The following ZNF385D variants were observed in gnomAD, a reference collection of about 807,000 sequenced individuals.
ZNF385D encodes zinc finger protein 659.
ZNF385D carries 15 observed loss-of-function variants against 35.8 expected under a neutral mutation model. That is an observed-to-expected ratio of 0.42 (90% CI 0.28 to 0.64). ZNF385D has a LOEUF of 0.64. Among genes scored for constraint, ZNF385D ranks in the 30% least tolerant of loss-of-function variants. The probability of loss-of-function intolerance (pLI) is 0.23; values close to 1 mark genes in which losing one functional copy is unlikely to be tolerated. For missense variants in ZNF385D, 474 were observed against 494.6 expected (o/e 0.96, Z 0.39); for synonymous variants, 212 against 186.8 (o/e 1.13, Z -1.10).
intron 3 of ZNF385D, among the ~76,000 whole-genome samples, chr3:21,904,494 G>A: frequency 6.6e-6 from 1 of 152,036 alleles, no homozygotes; most frequent in Admixed American, 6.6e-5. Flanking sequence ...CATACATACT[G>A]AGATACAAAA....
At chr3:21,547,090 A>G (rs572216467) in intron 3 of ZNF385D, among the ~76,000 whole-genome samples, 2 of 152,110 alleles carry the variant, frequency 1.3e-5, no homozygotes, top group South Asian at 4.1e-4. Context: ...TCCTTTGAAA[A>G]ATGCCTTTTT....
At chr3:22,303,503 G>T (rs1036348459) in intron 2 of ZNF385D, among the ~76,000 whole-genome samples, 2 of 152,048 alleles carry the variant, frequency 1.3e-5, no homozygotes, top group African/African-American at 4.8e-5. Flanking sequence ...AGTTTATGAG[G>T]ATTTTACTTT....
chr3:21,446,852 A>G (rs1004134223), intron 4 of ZNF385D, among the ~76,000 whole-genome samples: 26 of 152,144 alleles, frequency 1.7e-4, no homozygotes, highest in African/African-American at 4.8e-4. Flanking sequence ...GGATAGAGAC[A>G]CATTCTGATC....
Position 22,030,475 on chromosome 3 carries a change from GAGACACAGAGA to G in ZNF385D, c.325+138331_325+138341del, listed in dbSNP as rs1407647888. On this transcript the variant is annotated intron_variant, in intron 3 of 5. Transcript: ENST00000494108. ...GGAGAGAGAGAGGGAGGGAGAGAGAGAGACACAGAGAGAGAAAGAGAGTGAGAGAGTGCACA... is the reference window on the plus strand; with the variant it reads ...GGAGAGAGAGAGGGAGGGAGAGAGAGGAGAAAGAGAGTGAGAGAGTGCACA... Among the ~76,000 whole-genome samples the G allele has an allele frequency of 1.4e-4, 21 of 150,538 alleles. No homozygotes were observed. In the East Asian group the frequency reaches 3.2e-3, roughly 23 times the overall value.
At chr3:21,619,331 G>T (rs1478378766) in intron 2 of ZNF385D, among the ~76,000 whole-genome samples, 1 of 151,956 alleles carries the variant, frequency 6.6e-6, no homozygotes, top group Non-Finnish European at 1.5e-5. Flanking sequence ...TTGTGTGTGG[G>T]TACAATGCAC....
chr3:21,413,407 T>C lies in ZNF385D; in HGVS notation c.*7807A>G, dbSNP rs969474368. ...TGGCATCACTGTGGCTGACCAATGA[T>C]TCGGAATCTCACATTGGTGTGACTA... is the stretch of plus-strand genomic sequence containing the variant. On this transcript the variant is annotated 3_prime_UTR_variant, in exon 8 of 8. Coordinates refer to ENST00000281523, the MANE Select transcript of ZNF385D (RefSeq NM_024697.3). 1.3e-5 allele frequency: 2 copies of C among 152,176 alleles called. No homozygotes were observed. Among genetic ancestry groups the C allele is most frequent in the Admixed American group, 1.3e-4 (2 of 15,276 alleles). 9.4% of individuals were successfully genotyped at this position (152,176 alleles called of 1,614,324 possible). A position where few individuals can be genotyped will look rare whatever the true frequency, so the allele number is the denominator to read the frequency against.
rs187736662 is a variant in ZNF385D, at chr3:21,488,643, A to G, written c.439+22218T>C. ...GTGAGAAACCATGTGTATCCTCCCAATCATCCTGAATCTCAGCTTTCTGTC... is the reference window on the plus strand; with the variant it reads ...GTGAGAAACCATGTGTATCCTCCCAGTCATCCTGAATCTCAGCTTTCTGTC... On this transcript the variant is annotated intron_variant, in intron 4 of 7. Transcript: ENST00000281523. Among the ~76,000 whole-genome samples the G allele has an allele frequency of 3.9e-5, 6 of 152,180 alleles. No homozygotes were observed. The East Asian group carries it at 1.2e-3, about 30-fold the overall frequency.
At chr3:22,148,915 T>A (rs1000869063) in intron 3 of ZNF385D, among the ~76,000 whole-genome samples, 2 of 152,036 alleles carry the variant, frequency 1.3e-5, no homozygotes, top group African/African-American at 4.8e-5. Context: ...AACCACAGGG[T>A]CTCAACTTGC....
At chr3:21,993,181 T>C (rs1032432448) in intron 3 of ZNF385D, among the ~76,000 whole-genome samples, 1 of 152,218 alleles carries the variant, frequency 6.6e-6, no homozygotes, top group African/African-American at 2.4e-5. Context: ...ATGTGAATAA[T>C]ACTTTGACAT....
upstream of ZNF385D, among the ~76,000 whole-genome samples, chr3:21,754,898 T>C (rs143556216): frequency 5.9e-5 from 9 of 152,330 alleles, no homozygotes; most frequent in Admixed American, 3.3e-4. Context: ...AGTACAGCTG[T>C]ATTGTGTGTA....
At chr3:21,851,506 T>C (rs1696386344) in intron 3 of ZNF385D, among the ~76,000 whole-genome samples, 1 of 151,966 alleles carries the variant, frequency 6.6e-6, no homozygotes, top group African/African-American at 2.4e-5. Flanking sequence ...TACTAAAAAC[T>C]AAAAATCTCT....
rs540127887 is a variant in ZNF385D, at chr3:22,319,256, T to C, written c.106+53194A>G. Among the ~76,000 whole-genome samples the C allele has an allele frequency of 1.7e-3, 253 of 152,168 alleles. 1 individual carries two copies. The highest frequency in any genetic ancestry group is 5.7e-3 in the African/African-American group (238 of 41,558). On this transcript the variant is annotated intron_variant, in intron 2 of 5. Coordinates refer to the ZNF385D transcript ENST00000494108. ...ATTTGTCAAACATTAACTGGAACATTTGAAGTATTAGTTAATTCAAGAACT... is the reference window on the plus strand; with the variant it reads ...ATTTGTCAAACATTAACTGGAACATCTGAAGTATTAGTTAATTCAAGAACT...
intron 2 of ZNF385D, among the ~76,000 whole-genome samples, chr3:22,215,467 T>C (rs1348054337): frequency 2.0e-5 from 3 of 151,948 alleles, no homozygotes; most frequent in Non-Finnish European, 4.4e-5. Flanking sequence ...GGCCGTCTTT[T>C]ATGGTCGAGC....
chr3:21,549,003 T>A (rs1455668249), intron 3 of ZNF385D, among the ~76,000 whole-genome samples: 1 of 152,234 alleles, frequency 6.6e-6, no homozygotes, highest in East Asian at 1.9e-4. Flanking sequence ...TTCATAATAC[T>A]CTATAGAAAT....
At chr3:22,240,183 CAAAAAAAA>C (rs66663088) in intron 2 of ZNF385D, among the ~76,000 whole-genome samples, 1 of 16,170 alleles carries the variant, frequency 6.2e-5, no homozygotes, top group South Asian at 2.1e-3. Flanking sequence ...ACCCTGTCTC[CAAAAAAAA>C]AAAAAAAAAA....
intron 3 of ZNF385D, among the ~76,000 whole-genome samples, chr3:22,056,900 G>C (rs941853282): frequency 6.6e-6 from 1 of 152,156 alleles, no homozygotes; most frequent in African/African-American, 2.4e-5. Flanking sequence ...GAACAAGAAA[G>C]TAATTATGCA....
At chr3:21,727,611 A>C (rs898427799) in intron 1 of ZNF385D, among the ~76,000 whole-genome samples, 1 of 152,246 alleles carries the variant, frequency 6.6e-6, no homozygotes, top group African/African-American at 2.4e-5. Flanking sequence ...CAAAACCGCA[A>C]TGAGATACCA....
At chr3:21,709,383 C>A (rs2068018565) in intron 1 of ZNF385D, among the ~76,000 whole-genome samples, 1 of 152,122 alleles carries the variant, frequency 6.6e-6, no homozygotes, top group Non-Finnish European at 1.5e-5. Flanking sequence ...ATTTAGTCCC[C>A]ATGAGTTTCC....
chr3:21,891,559 C>T (rs1698869514), intron 3 of ZNF385D, among the ~76,000 whole-genome samples: 1 of 152,020 alleles, frequency 6.6e-6, no homozygotes, highest in African/African-American at 2.4e-5. Flanking sequence ...TTCTGTTTTA[C>T]TTGTGTGTAT....
Sources: allele counts gnomAD v4.1 joint callset (sites outside exome capture counted in the v4.1 genomes callset), GRCh38; gene constraint gnomAD v4.1.1; transcripts MANE v1.5; gene names NCBI Gene and HGNC (gene_info 2026-07-23, HGNC 2026-07-21).